GABRB3: variants seen among roughly 807,000 people sequenced by gnomAD.
GABRB3 encodes gamma-aminobutyric acid receptor subunit beta-3.
GABRB3 carries 14 observed loss-of-function variants against 52.1 expected under a neutral mutation model. The ratio of observed to expected loss-of-function variants is 0.27; its 90% CI spans 0.18 to 0.42. The LOEUF is 0.42. Among genes scored for constraint, GABRB3 ranks in the 10% least tolerant of loss-of-function variants. The pLI is 1.00. For missense variants in GABRB3, 307 were observed against 609.1 expected (o/e 0.50, Z 5.22); for synonymous variants, 260 against 232.3 (o/e 1.12, Z -1.08).
chr15:26,764,226 A>C (rs1890931296), intron 3 of GABRB3, among the ~76,000 whole-genome samples: 2 of 114,066 alleles, frequency 1.8e-5, no homozygotes, highest in South Asian at 2.9e-4. Context: ...ATATATATAT[A>C]TATATATATA....
intron 3 of GABRB3, among the ~76,000 whole-genome samples, chr15:26,697,609 C>T (rs1023017415): frequency 1.3e-5 from 2 of 152,154 alleles, no homozygotes; most frequent in Admixed American, 6.5e-5. Flanking sequence ...CACATTCACC[C>T]TTAAATGCTG....
intron 4 of GABRB3, among the ~76,000 whole-genome samples, chr15:26,586,279 G>A (rs1374170546): frequency 5.3e-5 from 8 of 152,042 alleles, no homozygotes; most frequent in African/African-American, 1.4e-4. Context: ...TTACAGGCGT[G>A]AGCCACCGCG....
chr15:26,649,724 G>A (rs560610763), intron 3 of GABRB3, among the ~76,000 whole-genome samples: 2 of 149,656 alleles, frequency 1.3e-5, no homozygotes, highest in East Asian at 2.0e-4. Flanking sequence ...GAGAGAGAGA[G>A]AAGATAAGTC....
Position 26,624,213 on chromosome 15 carries a change from G to A in GABRB3, c.241-2679C>T, listed in dbSNP as rs141194880. 66 of 985,556 alleles carry A rather than the reference G, an allele frequency of 6.7e-5. No homozygotes were observed. The South Asian group carries it at 1.3e-3, about 20-fold the overall frequency. 61.1% of individuals were successfully genotyped at this position (985,556 alleles called of 1,614,324 possible). A position where few individuals can be genotyped will look rare whatever the true frequency, so the allele number is the denominator to read the frequency against. Reference sequence around the variant, plus strand: ...CGCCCCTTCATCACCATTACCTTTCGCTGGTGTGGGCGGTGCGCTGGAACT... The same window carrying A: ...CGCCCCTTCATCACCATTACCTTTCACTGGTGTGGGCGGTGCGCTGGAACT... On this transcript the variant is annotated intron_variant, in intron 3 of 8. Transcript: ENST00000311550.
chr15:26,560,176 A>C (rs1211236619), intron 8 of GABRB3, among the ~76,000 whole-genome samples: 1 of 152,232 alleles, frequency 6.6e-6, no homozygotes, highest in Non-Finnish European at 1.5e-5. Flanking sequence ...TGGCTTCTCC[A>C]GCATCAACAC....
intron 3 of GABRB3, among the ~76,000 whole-genome samples, chr15:26,713,075 G>A (rs1889353503): frequency 6.6e-6 from 1 of 152,202 alleles, no homozygotes; most frequent in South Asian, 2.1e-4. Flanking sequence ...TTTAAGAAGT[G>A]GGAGAACCAG....
rs140184369 is a variant in GABRB3 at position 26,693,046 on chromosome 15, C to T, written c.241-71512G>A. ...CAGAACTGCACAGGAAGATCTCTCC[C>T]GCTCCCAGGCTCAGACGTCTTTCAA... On this transcript the variant is annotated intron_variant, in intron 3 of 8. Transcript: ENST00000311550. Among the ~76,000 whole-genome samples the T allele has an allele frequency of 6.6e-5, 10 of 152,254 alleles. 1 individual carries two copies. In the South Asian group the frequency reaches 1.0e-3, roughly 16 times the overall value.
chr15:26,639,414 A>G (rs1893142862), intron 3 of GABRB3, among the ~76,000 whole-genome samples: 1 of 152,098 alleles, frequency 6.6e-6, no homozygotes, highest in Non-Finnish European at 1.5e-5. Context: ...TTCCCTAAAC[A>G]ATACAGTATA....
rs556871876 is a variant in GABRB3 at position 26,551,512 on chromosome 15, C to T, written c.1081-3378G>A. Among the ~76,000 whole-genome samples, 3 of 152,334 alleles carry T rather than the reference C, an allele frequency of 2.0e-5. No homozygotes were observed. The East Asian group carries it at 5.8e-4, about 29-fold the overall frequency. The stretch of plus-strand genomic sequence containing the variant: ...GGCCTTCGCCTGCCCAGTGCTGAAT[C>T]TCCGCAGCTCAGGGGCTGGGGAAGT... On this transcript the variant is annotated intron_variant, in intron 8 of 8. Coordinates refer to ENST00000311550, the MANE Select transcript of GABRB3 (RefSeq NM_000814.6).
At chr15:26,671,329 A>G (rs1319822181) in intron 3 of GABRB3, among the ~76,000 whole-genome samples, 2 of 152,242 alleles carry the variant, frequency 1.3e-5, no homozygotes, top group Non-Finnish European at 2.9e-5. Context: ...AGTATCTGGC[A>G]AATTTGTAGC....
intron 4 of GABRB3, among the ~76,000 whole-genome samples, chr15:26,594,173 TA>T (rs1891311774): frequency 6.6e-6 from 1 of 151,526 alleles, no homozygotes; most frequent in Non-Finnish European, 1.5e-5. Context: ...ATAAAGAGAT[TA>T]TTTAAAGTCT....
intron 3 of GABRB3, among the ~76,000 whole-genome samples, chr15:26,670,131 G>A (rs953653432): frequency 1.9e-4 from 29 of 152,320 alleles, no homozygotes; most frequent in African/African-American, 7.0e-4. Context: ...TCCCGGTGCG[G>A]GAGCCTACAG....
chr15:26,645,686 C>T (rs1311676782), intron 3 of GABRB3, among the ~76,000 whole-genome samples: 2 of 152,120 alleles, frequency 1.3e-5, no homozygotes, highest in East Asian at 1.9e-4. Context: ...TGTTTGGAGA[C>T]CTTTTAAAGG....
intron 3 of GABRB3, among the ~76,000 whole-genome samples, chr15:26,695,989 T>C (rs1888725699): frequency 2.0e-5 from 3 of 152,190 alleles, no homozygotes; most frequent in African/African-American, 7.2e-5. Context: ...AAGAAATTAG[T>C]AAGTAAATTC....
At chr15:26,730,498 G>A (rs12898325) in intron 3 of GABRB3, among the ~76,000 whole-genome samples, 4,723 of 152,036 alleles carry the variant, frequency 0.031, 114 homozygotes, top group Non-Finnish European at 0.046. Flanking sequence ...CCCCCCGTGC[G>A]GATGAATGCG....
intron 4 of GABRB3, among the ~76,000 whole-genome samples, chr15:26,604,597 C>T (rs1360822453): frequency 6.6e-6 from 1 of 152,022 alleles, no homozygotes; most frequent in Non-Finnish European, 1.5e-5. Context: ...GAATACAGAA[C>T]CCAGAAATAA....
At chr15:26,755,165 G>A (rs898772649) in intron 3 of GABRB3, among the ~76,000 whole-genome samples, 13 of 151,876 alleles carry the variant, frequency 8.6e-5, no homozygotes, top group African/African-American at 2.9e-4. Flanking sequence ...CACCATGCCC[G>A]GCTAATTTTT....
At chr15:26,568,924 G>A (rs1478242192) in intron 6 of GABRB3, among the ~76,000 whole-genome samples, 1 of 151,998 alleles carries the variant, frequency 6.6e-6, no homozygotes, top group Non-Finnish European at 1.5e-5. Flanking sequence ...GGATTCTGAT[G>A]GAGCTGCCTG....
At chr15:26,604,782 C>T (rs148072015) in intron 4 of GABRB3, among the ~76,000 whole-genome samples, 2 of 152,198 alleles carry the variant, frequency 1.3e-5, no homozygotes, top group East Asian at 1.9e-4. Context: ...GGATTAAACA[C>T]TTAAATACAA....
Sources: gnomAD v4.1 joint callset for allele counts (sites outside exome capture counted in the v4.1 genomes callset) on GRCh38, gnomAD v4.1.1 for gene constraint, MANE v1.5 for transcripts, NCBI Gene and HGNC (gene_info 2026-07-23, HGNC 2026-07-21) for gene names.